The following DNAJC1 variants were observed in gnomAD, a reference collection of about 807,000 sequenced individuals.
The protein encoded by DNAJC1 is dnaJ homolog subfamily C member 1.
A neutral mutation model predicts 76.6 loss-of-function variants in DNAJC1; 58 were observed. That is an observed-to-expected ratio of 0.76 (90% confidence interval 0.61 to 0.94). The LOEUF is 0.94. DNAJC1 is among the 40% of genes least tolerant of loss of function. The probability of loss-of-function intolerance (pLI) is 0.00; values close to 1 mark genes in which losing one functional copy is unlikely to be tolerated. For synonymous variants in DNAJC1, 258 were observed against 267.9 expected (o/e 0.96, Z 0.36); for missense variants, 689 against 677.3 (o/e 1.02, Z -0.19).
Position 21,844,708 on chromosome 10 carries a change from C to T in DNAJC1, c.978+37574G>A, listed in dbSNP as rs1835626783. ...TTAGAATAGGTATTAAAGATACTATCATTTAAGAGGAAAAATGGCTGTTTT... is the reference window on the plus strand; with the variant it reads ...TTAGAATAGGTATTAAAGATACTATTATTTAAGAGGAAAAATGGCTGTTTT... On this transcript the variant is annotated intron_variant, in intron 8 of 11. Transcript: ENST00000376980. Among the ~76,000 whole-genome samples, 4 of 152,206 alleles carry T rather than the reference C, an allele frequency of 2.6e-5. No individual in the cohort carries two copies. The South Asian group carries it at 8.3e-4, about 32-fold the overall frequency.
At chr10:21,835,956 A>T (rs979128620) in intron 8 of DNAJC1, among the ~76,000 whole-genome samples, 4 of 152,172 alleles carry the variant, frequency 2.6e-5, no homozygotes, top group Non-Finnish European at 5.9e-5. Flanking sequence ...CCACCATTCA[A>T]ATTCAGGAAA....
intron 1 of DNAJC1, among the ~76,000 whole-genome samples, chr10:21,949,274 T>C (rs1289821985): frequency 1.3e-5 from 2 of 152,166 alleles, no homozygotes. Context: ...GTATAGTTTA[T>C]CGTTCTCTGC....
At position 21,892,481 on chromosome 10, in the gene DNAJC1, T is replaced by TA. The variant is rs201067011; in HGVS notation, c.821-10043dup. Among the ~76,000 whole-genome samples, 760 of 150,388 alleles carry TA rather than the reference T, an allele frequency of 5.1e-3. 9 individuals carry two copies. Among genetic ancestry groups the TA allele is most frequent in the African/African-American group, 0.018 (722 of 41,020 alleles). On this transcript the variant is annotated intron_variant, in intron 7 of 11. Transcript: ENST00000376980. ...AATGATAGAGAGAAATAATAGAAAA[T>TA]AAAAAATAAAATGGCAAACTTAAGC...
chr10:21,777,381 T>A (rs1834465636), intron 9 of DNAJC1, among the ~76,000 whole-genome samples: 1 of 152,140 alleles, frequency 6.6e-6, no homozygotes, highest in African/African-American at 2.4e-5. Flanking sequence ...CCTTAATGAA[T>A]CACTAAAGAA....
intron 1 of DNAJC1, among the ~76,000 whole-genome samples, chr10:22,000,939 T>C (rs1370238148): frequency 1.3e-5 from 2 of 152,208 alleles, no homozygotes; most frequent in Non-Finnish European, 2.9e-5. Flanking sequence ...CATTTTGCTA[T>C]GGCAGCCCAA....
At chr10:21,989,308 G>A (rs887376709) in intron 1 of DNAJC1, among the ~76,000 whole-genome samples, 6 of 152,100 alleles carry the variant, frequency 3.9e-5, no homozygotes, top group African/African-American at 7.2e-5. Flanking sequence ...GACTTCCTCC[G>A]AAACCCCATT....
At chr10:21,783,520 A>G (rs1189181605) in intron 9 of DNAJC1, among the ~76,000 whole-genome samples, 2 of 152,190 alleles carry the variant, frequency 1.3e-5, no homozygotes, top group Non-Finnish European at 2.9e-5. Context: ...CAAGCTACCA[A>G]TGACTTTCTT....
chr10:21,894,295 GCACGACGGCTCA>G (rs1836504944), intron 7 of DNAJC1, among the ~76,000 whole-genome samples: 1 of 152,192 alleles, frequency 6.6e-6, no homozygotes, highest in Admixed American at 6.5e-5. Flanking sequence ...GGAAGGCTGG[GCACGACGGCTCA>G]CGTCTGTAAT....
At chr10:21,899,983 A>G (rs1041813584) in intron 7 of DNAJC1, among the ~76,000 whole-genome samples, 3 of 152,142 alleles carry the variant, frequency 2.0e-5, no homozygotes, top group African/African-American at 7.2e-5. Context: ...CTCGGACATT[A>G]CTGTGTAACA....
chr10:21,987,681 A>C (rs571770983), intron 1 of DNAJC1, among the ~76,000 whole-genome samples: 162 of 152,330 alleles, frequency 1.1e-3, no homozygotes, highest in African/African-American at 3.5e-3. Context: ...AAGCCTTCAA[A>C]ATATCCATAT....
chr10:21,931,249 T>C (rs1157976770), intron 1 of DNAJC1, among the ~76,000 whole-genome samples: 1 of 152,166 alleles, frequency 6.6e-6, no homozygotes, highest in Non-Finnish European at 1.5e-5. Flanking sequence ...AGTTCACCAA[T>C]GTCATGTTGT....
chr10:21,806,188 T>G (rs897800888), intron 8 of DNAJC1, 89 bp from the exon 9 acceptor site: 5 of 1,418,658 alleles, frequency 3.5e-6, no homozygotes, highest in Non-Finnish European at 4.7e-6. Flanking sequence ...TGAGAGATAA[T>G]TGCTGTGAAG....
Position 21,759,329 on chromosome 10 carries a change from G to A in DNAJC1, c.1437C>T (p.Ser479=). The change falls in exon 11 of 12, where the codon TCC becomes TCT. Residue 479 remains serine (S), a synonymous_variant. Transcript: ENST00000376980. ...CTTTTCTCAGGCTCTCCTCGTCGCT[G>A]GACTCGTTTTGTTCTGCTATGTCAA... is the stretch of plus-strand genomic sequence containing the variant. ...KDFDIAEQNE[S]SDEESLRKER... The A allele has an allele frequency of 6.2e-7, 1 of 1,614,206 alleles. No individual in the cohort carries two copies. The highest frequency in any genetic ancestry group is 8.5e-7 in the Non-Finnish European group (1 of 1,180,048).
intron 1 of DNAJC1, among the ~76,000 whole-genome samples, chr10:21,963,591 G>C (rs1316300870): frequency 6.6e-6 from 1 of 152,204 alleles, no homozygotes; most frequent in Non-Finnish European, 1.5e-5. Context: ...CTACTGAGTA[G>C]TGCAGTCTAT....
intron 8 of DNAJC1, among the ~76,000 whole-genome samples, chr10:21,821,753 T>C (rs1266747544): frequency 6.6e-6 from 1 of 151,988 alleles, no homozygotes; most frequent in African/African-American, 2.4e-5. Context: ...TTTTAATTTA[T>C]AGATTTATAG....
At chr10:21,773,790 TC>T (rs1301744494) in intron 9 of DNAJC1, among the ~76,000 whole-genome samples, 1 of 151,736 alleles carries the variant, frequency 6.6e-6, no homozygotes, top group Non-Finnish European at 1.5e-5. Context: ...TTTATAAATG[TC>T]CCTCTTTATT....
intron 9 of DNAJC1, among the ~76,000 whole-genome samples, chr10:21,773,106 T>C (rs115305585): frequency 0.02 from 3,029 of 152,292 alleles, 99 homozygotes; most frequent in African/African-American, 0.069. Flanking sequence ...CAGTTTAATA[T>C]AGAATTGGTG....
intron 7 of DNAJC1, among the ~76,000 whole-genome samples, chr10:21,884,321 T>C (rs964226532): frequency 2.0e-5 from 3 of 152,250 alleles, no homozygotes; most frequent in Non-Finnish European, 4.4e-5. Context: ...AAGAGGCTCA[T>C]ACACTCTAAA....
intron 8 of DNAJC1, among the ~76,000 whole-genome samples, chr10:21,849,240 CCGAG>C (rs1473884883): frequency 1.5e-5 from 2 of 133,322 alleles, no homozygotes; most frequent in Non-Finnish European, 3.0e-5. Flanking sequence ...TTGCAGTGAG[CCGAG>C]ATCGTGCCAC....
Sources: allele counts gnomAD v4.1 joint callset (sites outside exome capture counted in the v4.1 genomes callset), GRCh38; gene constraint gnomAD v4.1.1; transcripts MANE v1.5; gene names NCBI Gene and HGNC (gene_info 2026-07-23, HGNC 2026-07-21).